The following ENTREP2 variants were observed in gnomAD, a reference collection of about 807,000 sequenced individuals.
ENTREP2 encodes the protein endosomal transmembrane epsin interactor 2, also known as protein ENTREP2.
the ENTREP2 span, among the ~76,000 whole-genome samples, chr15:29,241,011 G>A: frequency 1.3e-5 from 2 of 152,058 alleles, no homozygotes; most frequent in South Asian, 2.1e-4. Context: ...TGTTAAATAC[G>A]TATCTTTTAT....
At chr15:29,165,530 C>A in the ENTREP2 span, among the ~76,000 whole-genome samples, 8 of 152,092 alleles carry the variant, frequency 5.3e-5, no homozygotes, top group African/African-American at 1.7e-4. Flanking sequence ...TACAAAAGAT[C>A]ATTCAAGGCT....
chr15:29,153,660 A>C, the ENTREP2 span, among the ~76,000 whole-genome samples: 2 of 152,218 alleles, frequency 1.3e-5, no homozygotes, highest in East Asian at 3.8e-4. Context: ...AGAACAAAAA[A>C]TTTTAATGTT....
At chr15:29,164,087 ATACAGTCTTTT>A in the ENTREP2 span, among the ~76,000 whole-genome samples, 1 of 152,194 alleles carries the variant, frequency 6.6e-6, no homozygotes, top group Non-Finnish European at 1.5e-5. Context: ...ATGAAAGAAG[ATACAGTCTTTT>A]TCAGACAAAC....
the ENTREP2 span, among the ~76,000 whole-genome samples, chr15:29,472,428 AACACACACACACACACACACACAC>A: frequency 1.4e-5 from 2 of 140,622 alleles, no homozygotes; most frequent in African/African-American, 5.4e-5. Context: ...CACAACACAC[AACACACACACACACACACACACAC>A]ACACACACAC....
chr15:29,377,361 T>C, the ENTREP2 span, among the ~76,000 whole-genome samples: 1 of 152,110 alleles, frequency 6.6e-6, no homozygotes. Flanking sequence ...TGGCAGACAC[T>C]TTACATACCA....
chr15:29,296,320 G>C, the ENTREP2 span, among the ~76,000 whole-genome samples: 2 of 152,274 alleles, frequency 1.3e-5, no homozygotes, highest in East Asian at 3.9e-4. Flanking sequence ...TGATTTGTAG[G>C]ATTTCCTGAA....
the ENTREP2 span, among the ~76,000 whole-genome samples, chr15:29,202,951 T>G: frequency 1.3e-5 from 2 of 152,218 alleles, no homozygotes; most frequent in African/African-American, 4.8e-5. Context: ...AACATACATG[T>G]GCATGTGTCT....
chr15:29,250,429 T>A, the ENTREP2 span, among the ~76,000 whole-genome samples: 1 of 152,194 alleles, frequency 6.6e-6, no homozygotes, highest in Non-Finnish European at 1.5e-5. Context: ...TACATGATGT[T>A]CTTTTTATGT....
chr15:29,137,311 T>G, the ENTREP2 span: 219 of 953,766 alleles, frequency 2.3e-4, no homozygotes, highest in Middle Eastern at 1.9e-3. Flanking sequence ...ATTTCAACTG[T>G]CAAGCCATGA....
the ENTREP2 span, among the ~76,000 whole-genome samples, chr15:29,437,475 T>C: frequency 6.6e-6 from 1 of 152,354 alleles, no homozygotes; most frequent in South Asian, 2.1e-4. Flanking sequence ...GAACACTTCA[T>C]ATAATATTGC....
chr15:29,402,007 G>A, the ENTREP2 span, among the ~76,000 whole-genome samples: 16,432 of 151,894 alleles, frequency 0.11, 1,060 homozygotes, highest in East Asian at 0.31. Flanking sequence ...GAGGCGAGGG[G>A]GAACTTGCTT....
chr15:29,378,480 A>T, the ENTREP2 span, among the ~76,000 whole-genome samples: 1 of 152,220 alleles, frequency 6.6e-6, no homozygotes, highest in African/African-American at 2.4e-5. Context: ...TGTAGATGAG[A>T]TTAAGTTTTA....
the ENTREP2 span, among the ~76,000 whole-genome samples, chr15:29,391,524 T>C: frequency 6.6e-6 from 1 of 152,174 alleles, no homozygotes; most frequent in Non-Finnish European, 1.5e-5. Context: ...AAATAACTCA[T>C]GAGTCAAAAG....
the ENTREP2 span, among the ~76,000 whole-genome samples, chr15:29,497,847 C>T: frequency 1.3e-5 from 2 of 151,994 alleles, no homozygotes; most frequent in African/African-American, 2.4e-5. Flanking sequence ...TTTCTAGTTT[C>T]TCAATATGTA....
the ENTREP2 span, among the ~76,000 whole-genome samples, chr15:29,127,921 C>T: frequency 6.6e-6 from 1 of 152,228 alleles, no homozygotes; most frequent in African/African-American, 2.4e-5. Context: ...CTTGAACAGC[C>T]TCTGATGGCT....
chr15:29,558,557 C>T, the ENTREP2 span, among the ~76,000 whole-genome samples: 1 of 150,228 alleles, frequency 6.7e-6, no homozygotes. Context: ...GTGGGGCTTC[C>T]CAGGCAATCT....
At chr15:29,358,046 A>G in the ENTREP2 span, among the ~76,000 whole-genome samples, 2 of 152,070 alleles carry the variant, frequency 1.3e-5, no homozygotes, top group Non-Finnish European at 2.9e-5. Context: ...CATCAATCAC[A>G]CTGCCCATGA....
At chr15:29,598,572 A>G in the ENTREP2 span, among the ~76,000 whole-genome samples, 1 of 152,222 alleles carries the variant, frequency 6.6e-6, no homozygotes, top group Non-Finnish European at 1.5e-5. Flanking sequence ...CTGGTAAGAT[A>G]TTTTATCACT....
At chr15:29,608,814 G>A in the ENTREP2 span, among the ~76,000 whole-genome samples, 31 of 151,624 alleles carry the variant, frequency 2.0e-4, no homozygotes, top group African/African-American at 6.0e-4. Context: ...TGATGCGCCC[G>A]CCTCGGCCTC....
Sources: allele counts gnomAD v4.1 joint callset (sites outside exome capture counted in the v4.1 genomes callset), GRCh38; gene constraint gnomAD v4.1.1; transcripts MANE v1.5; gene names NCBI Gene and HGNC (gene_info 2026-07-23, HGNC 2026-07-21).